Variants in CUEDC1 observed in about 807,000 individuals in gnomAD.
CUEDC1 encodes CUE domain-containing protein 1.
In CUEDC1, 30 loss-of-function variants were observed where a neutral mutation model predicts 43.7. That is an observed-to-expected ratio of 0.69 (90% CI 0.51 to 0.93). CUEDC1 has a LOEUF of 0.93. Ranked by LOEUF, CUEDC1 falls within the 40% of genes least tolerant of loss-of-function variation. The pLI is 0.00. For missense variants in CUEDC1, 486 were observed against 549.0 expected (o/e 0.89, Z 1.15); for synonymous variants, 223 against 223.6 (o/e 1.00, Z 0.02).
At position 57,874,255 on chromosome 17, in the gene CUEDC1, G is replaced by A. The variant is rs570724833; in HGVS notation, c.465-538C>T. 2.6e-5 allele frequency among the ~76,000 whole-genome samples: 4 copies of A among 152,336 alleles called. No homozygotes were observed. In the East Asian group the frequency reaches 7.7e-4, roughly 29 times the overall value. On this transcript the variant is annotated intron_variant, in intron 3 of 10. Coordinates refer to ENST00000577830, the MANE Select transcript of CUEDC1 (RefSeq NM_001271875.2). ...AGCTCCAGTTCTGGCTCAACCACCA[G>A]CCGGCAGGGTAGTCTTAGGTGGGCC... is the stretch of plus-strand genomic sequence containing the variant.
rs190779955 is a variant in CUEDC1, at chr17:57,946,315, A to G, written c.-316+8910T>C. On this transcript the variant is annotated intron_variant, in intron 1 of 10. Transcript: ENST00000577830. ...AATAAAATGAATTTATAACTTTGAG[A>G]AATAAAATGTAATGATGCTCTAGTA... Among the ~76,000 whole-genome samples, 312 of 152,322 alleles carry G rather than the reference A, an allele frequency of 2.0e-3. 2 individuals are homozygous for G. Among genetic ancestry groups the G allele is most frequent in the African/African-American group, 7.2e-3 (299 of 41,556 alleles).
In CUEDC1 at chr17:57,866,383, C is replaced by T; in HGVS notation, c.*3+91G>A. 4.0e-6 allele frequency: 5 copies of T among 1,245,952 alleles called. No homozygotes were observed. The South Asian group carries it at 6.4e-5, about 16-fold the overall frequency. 77.2% of individuals were successfully genotyped at this position (1,245,952 alleles called of 1,614,324 possible). A position where few individuals can be genotyped will look rare whatever the true frequency, so the allele number is the denominator to read the frequency against. The stretch of plus-strand genomic sequence containing the variant: ...GCTACCCAGTTGCCTGAGCCCAGCG[C>T]CTCTGGACACCTGGGAGGACATGTG... On this transcript the variant is annotated intron_variant, in intron 10 of 10. Coordinates refer to ENST00000577830, the MANE Select transcript of CUEDC1 (RefSeq NM_001271875.2).
chr17:57,862,269 C>T lies in CUEDC1; in HGVS notation c.*1020G>A, dbSNP rs1056425549. Reference sequence around the variant, plus strand: ...AGTTCTCCTCCTCAGATCACCCGCCCTTCTCAGGGGCACCCAGCAAGCCCT... The same window carrying T: ...AGTTCTCCTCCTCAGATCACCCGCCTTTCTCAGGGGCACCCAGCAAGCCCT... On this transcript the variant is annotated 3_prime_UTR_variant, in exon 11 of 11. Transcript: ENST00000577830. 6 of 152,938 alleles carry T rather than the reference C, an allele frequency of 3.9e-5. No homozygotes were observed. The highest frequency in any genetic ancestry group is 3.3e-4 in the Admixed American group (5 of 15,320). 9.5% of individuals were successfully genotyped at this position (152,938 alleles called of 1,614,324 possible).
intron 1 of CUEDC1, among the ~76,000 whole-genome samples, chr17:57,936,813 A>C (rs1334619103): frequency 1.2e-4 from 12 of 97,890 alleles, no homozygotes; most frequent in Admixed American, 3.5e-4. Context: ...ACAGCCCTCC[A>C]CGTTCATTCA....
intron 1 of CUEDC1, among the ~76,000 whole-genome samples, chr17:57,911,294 G>A (rs983782655): frequency 6.6e-6 from 1 of 152,120 alleles, no homozygotes; most frequent in African/African-American, 2.4e-5. Context: ...TCAAGACCTC[G>A]CTCAAGTTCC....
chr17:57,867,976 G>A lies in CUEDC1; in HGVS notation c.1034+174C>T, dbSNP rs541473833. On this transcript the variant is annotated intron_variant, in intron 8 of 10. Transcript: ENST00000577830. Reference sequence around the variant, plus strand: ...GCCTGGTCCCTGGTTGGCAACGAGAGACGGGCAGTGGACTGGTGGCCAAGC... The same window carrying A: ...GCCTGGTCCCTGGTTGGCAACGAGAAACGGGCAGTGGACTGGTGGCCAAGC... 3.3e-4 allele frequency among the ~76,000 whole-genome samples: 50 copies of A among 152,358 alleles called. 1 individual carries two copies. Among genetic ancestry groups the A allele is most frequent in the South Asian group, 1.7e-3 (8 of 4,830 alleles).
chr17:57,865,228 A>G (rs1597964299), intron 10 of CUEDC1, among the ~76,000 whole-genome samples: 2 of 152,182 alleles, frequency 1.3e-5, no homozygotes, highest in East Asian at 3.9e-4. Flanking sequence ...CTATCTGGGC[A>G]TTCCAGGACA....
intron 1 of CUEDC1, among the ~76,000 whole-genome samples, chr17:57,916,268 G>A (rs1003378424): frequency 9.9e-5 from 15 of 152,244 alleles, no homozygotes; most frequent in Admixed American, 8.5e-4. Flanking sequence ...GCTCCATCCC[G>A]ATGGCCTTGT....
chr17:57,867,001 C>A, intron 9 of CUEDC1: 2 of 397,948 alleles, frequency 5.0e-6, no homozygotes, highest in Non-Finnish European at 9.4e-6. Context: ...GCCTCTGGGC[C>A]CACAGACTGA....
intron 1 of CUEDC1, among the ~76,000 whole-genome samples, chr17:57,950,807 C>G (rs563846260): frequency 2.0e-5 from 3 of 152,194 alleles, no homozygotes; most frequent in Non-Finnish European, 4.4e-5. Flanking sequence ...GGGCCTGCCC[C>G]GATCTCCTGA....
At chr17:57,944,179 GTTA>G (rs1035881378) in intron 1 of CUEDC1, among the ~76,000 whole-genome samples, 2 of 148,044 alleles carry the variant, frequency 1.4e-5, no homozygotes, top group Non-Finnish European at 3.0e-5. Context: ...ATAAATGTTA[GTTA>G]TTATTATTTA....
At chr17:57,914,902 T>A (rs1479464431) in intron 1 of CUEDC1, 1 of 152,252 alleles carries the variant, frequency 6.6e-6, no homozygotes, top group Admixed American at 6.5e-5. Context: ...TCAGCTAGTG[T>A]AATTGAAAAT....
intron 10 of CUEDC1, among the ~76,000 whole-genome samples, chr17:57,864,796 G>A (rs113983219): frequency 6.6e-6 from 1 of 152,094 alleles, no homozygotes; most frequent in Admixed American, 6.5e-5. Flanking sequence ...GCTCACACCT[G>A]TAATCCTAGC....
intron 3 of CUEDC1, among the ~76,000 whole-genome samples, chr17:57,878,855 T>A (rs2074166013): frequency 6.6e-6 from 1 of 152,030 alleles, no homozygotes; most frequent in Non-Finnish European, 1.5e-5. Flanking sequence ...TTAGTAGAGA[T>A]GGGGTTTCAC....
chr17:57,867,511 T>G, intron 8 of CUEDC1, 96 bp from the exon 9 acceptor site: 2 of 1,136,484 alleles, frequency 1.8e-6, no homozygotes, highest in Non-Finnish European at 2.6e-6. Flanking sequence ...CTCAAAGCTC[T>G]GGAGGTACCT....
chr17:57,912,541 T>C (rs2074594885), intron 1 of CUEDC1: 1 of 152,196 alleles, frequency 6.6e-6, no homozygotes, highest in Non-Finnish European at 1.5e-5. Flanking sequence ...TGTTGGTTTC[T>C]CTGTGATCTT....
intron 1 of CUEDC1, among the ~76,000 whole-genome samples, chr17:57,944,130 A>G (rs2074939273): frequency 6.6e-6 from 1 of 151,868 alleles, no homozygotes; most frequent in South Asian, 2.1e-4. Context: ...TATTCCCAAG[A>G]TGCTTAGAAA....
intron 4 of CUEDC1, among the ~76,000 whole-genome samples, chr17:57,873,249 A>G (rs1050134875): frequency 1.3e-5 from 2 of 152,108 alleles, no homozygotes; most frequent in African/African-American, 4.8e-5. Flanking sequence ...GCCAACATCT[A>G]GCAAGAAGCA....
chr17:57,887,684 T>G (rs1357039549), intron 1 of CUEDC1, among the ~76,000 whole-genome samples: 16 of 117,606 alleles, frequency 1.4e-4, no homozygotes, highest in African/African-American at 4.7e-4. Context: ...TTTGTATTTT[T>G]AATACAGATG....
Sources: gnomAD v4.1 joint callset for allele counts (sites outside exome capture counted in the v4.1 genomes callset) on GRCh38, gnomAD v4.1.1 for gene constraint, MANE v1.5 for transcripts, NCBI Gene and HGNC (gene_info 2026-07-23, HGNC 2026-07-21) for gene names.